ERCC1: variants seen among roughly 807,000 people sequenced by gnomAD.
ERCC1 encodes the protein ERCC excision repair 1, endonuclease non-catalytic subunit.
A neutral mutation model predicts 37.6 loss-of-function variants in ERCC1; 36 were observed. That is an observed-to-expected ratio of 0.96 (90% CI 0.73 to 1.26). ERCC1 has a LOEUF of 1.26. ERCC1 is among the 50% of genes most tolerant of loss of function. The pLI, the probability that ERCC1 is intolerant of heterozygous loss-of-function variation, is 0.00. For missense variants in ERCC1, 349 were observed against 376.5 expected, an observed-to-expected ratio of 0.93 and a Z score of 0.60; for synonymous variants, 156 against 162.1, an observed-to-expected ratio of 0.96 and a Z score of 0.28.
At chr19:45,428,843 C>A (rs1004533540), upstream of ERCC1, 5 of 151,802 alleles carry the variant, frequency 3.3e-5, no homozygotes, top group East Asian at 9.8e-4. Flanking sequence ...GGGCCGGGGA[C>A]GCAGGGGGGC....
intron 7 of ERCC1, 116 bp from the exon 8 acceptor site, chr19:45,414,150 C>A (rs1973907189): frequency 1.3e-6 from 1 of 791,588 alleles, no homozygotes; most frequent in East Asian, 2.6e-5. Context: ...GCAGGAAGCA[C>A]TCAATAAACG....
intron 6 of ERCC1, chr19:45,416,617 G>A (rs1974082812): frequency 1.2e-5 from 7 of 566,906 alleles, no homozygotes; most frequent in Non-Finnish European, 2.2e-5. Context: ...CAGCCTAGGG[G>A]ACAGAGTGAG....
rs1173626984 is a variant in ERCC1 at position 45,408,853 on chromosome 19, G to A, written c.*822C>T. ...CCAAAAAGAGAAAGAGGCAAAAGGGGACGGAAGGGATGGAGCCAGAGGAGG... is the reference window on the plus strand; with the variant it reads ...CCAAAAAGAGAAAGAGGCAAAAGGGAACGGAAGGGATGGAGCCAGAGGAGG... On this transcript the variant is annotated 3_prime_UTR_variant, in exon 10 of 10. Transcript: ENST00000300853. 6.2e-7 allele frequency: 1 copy of A among 1,614,168 alleles called. No homozygotes were observed. Among genetic ancestry groups the A allele is most frequent in the Non-Finnish European group, 8.5e-7 (1 of 1,180,036 alleles).
intron 1 of ERCC1, among the ~76,000 whole-genome samples, chr19:45,432,719 T>G (rs1391183960): frequency 6.6e-6 from 1 of 152,184 alleles, no homozygotes; most frequent in Non-Finnish European, 1.5e-5. Flanking sequence ...TTTTATTTAT[T>G]TTTGTAGAGA....
Position 45,423,790 on chromosome 19 carries a change from G to C in ERCC1, c.-17C>G. The C allele has an allele frequency of 8.9e-7, 1 of 1,126,840 alleles. No homozygotes were observed. The highest frequency in any genetic ancestry group is 1.1e-6 in the Non-Finnish European group (1 of 913,640). The allele number at this position is 1,126,840 out of a possible 1,614,324, so 69.8% of individuals were successfully genotyped here. A position where few individuals can be genotyped will look rare whatever the true frequency, so the allele number is the denominator to read the frequency against. On this transcript the variant is annotated 5_prime_UTR_variant, in exon 1 of 10. Transcript: ENST00000300853. ...TCTCCGCCTCCCGCACCTGTGGTCCGGGCCTCACGGTTTCAGCGCCGCGAG... is the reference window on the plus strand; with the variant it reads ...TCTCCGCCTCCCGCACCTGTGGTCCCGGCCTCACGGTTTCAGCGCCGCGAG...
intron 9 of ERCC1, chr19:45,413,466 A>G: frequency 2.1e-6 from 2 of 962,012 alleles, no homozygotes; most frequent in Non-Finnish European, 3.3e-6. Flanking sequence ...TTTAGTAAAA[A>G]TGAGGTGTCC....
chr19:45,430,995 C>T (rs1974816911), intron 1 of ERCC1, among the ~76,000 whole-genome samples: 1 of 152,072 alleles, frequency 6.6e-6, no homozygotes, highest in African/African-American at 2.4e-5. Flanking sequence ...CAGCCTTCCC[C>T]AGGCTGGAGT....
At position 45,408,613 on chromosome 19, in the gene ERCC1, GA is replaced by G. The variant is rs753626854; in HGVS notation, c.*1061del. The stretch of plus-strand genomic sequence containing the variant: ...AAATGGATGTGCGGAAGAAGAAGAA[GA>G]AAAAAAATCAGCAGCTGAAAGAACC... On this transcript the variant is annotated 3_prime_UTR_variant, in exon 10 of 10. Coordinates refer to ENST00000300853, the MANE Select transcript of ERCC1 (RefSeq NM_001983.4). 4.3e-6 allele frequency: 7 copies of G among 1,613,370 alleles called. No homozygotes were observed. Among genetic ancestry groups the G allele is most frequent in the South Asian group, 2.2e-5 (2 of 91,034 alleles).
At position 45,408,070 on chromosome 19, in the gene ERCC1, A is replaced by C. The variant is rs1973453966; in HGVS notation, c.*1605T>G. On this transcript the variant is annotated 3_prime_UTR_variant, in exon 10 of 10. Coordinates refer to ENST00000300853, the MANE Select transcript of ERCC1 (RefSeq NM_001983.4). Reference sequence around the variant, plus strand: ...CTCTCTCAAAAAAAAACAAAAAAAAAATCAAAAAACCTTCCCTCTCCTGTT... The same window carrying C: ...CTCTCTCAAAAAAAAACAAAAAAAACATCAAAAAACCTTCCCTCTCCTGTT... 1 of 1,506,618 alleles carries C rather than the reference A, an allele frequency of 6.6e-7. No homozygotes were observed. The highest frequency in any genetic ancestry group is 8.8e-7 in the Non-Finnish European group (1 of 1,130,092). 93.3% of individuals were successfully genotyped at this position (1,506,618 alleles called of 1,614,324 possible).
intron 1 of ERCC1, chr19:45,450,791 G>GAGAGAA (rs1967091195): frequency 7.0e-6 from 1 of 143,790 alleles, no homozygotes; most frequent in Non-Finnish European, 1.5e-5. Context: ...AAAAAAAAGA[G>GAGAGAA]AGAGAGAATG....
intron 9 of ERCC1, among the ~76,000 whole-genome samples, chr19:45,411,333 G>A (rs1184131783): frequency 1.0e-5 from 1 of 100,004 alleles, no homozygotes; most frequent in African/African-American, 8.9e-5. Context: ...TGGATCATGT[G>A]GAACCTCAAC....
intron 6 of ERCC1, among the ~76,000 whole-genome samples, chr19:45,415,347 A>AAG (rs1555786681): frequency 1.5e-4 from 21 of 143,924 alleles, no homozygotes; most frequent in Middle Eastern, 4.5e-3. Flanking sequence ...GAAAAAAAAA[A>AAG]AAAAAAAGGC....
At chr19:45,416,110 C>T (rs1164218232) in intron 6 of ERCC1, among the ~76,000 whole-genome samples, 1 of 152,068 alleles carries the variant, frequency 6.6e-6, no homozygotes, top group Admixed American at 6.6e-5. Context: ...ACTCCAGCCT[C>T]AGCAAAAGAG....
At chr19:45,419,693 T>C (rs1974284232) in intron 4 of ERCC1, among the ~76,000 whole-genome samples, 1 of 152,166 alleles carries the variant, frequency 6.6e-6, no homozygotes, top group African/African-American at 2.4e-5. Context: ...TGTCTGGCCC[T>C]GTCTGCAGAG....
In ERCC1 at chr19:45,420,196, C is replaced by T. The variant is rs1974324279; in HGVS notation, c.425+128G>A. ...CCCCTGCCTCCAACACAGGGTCCCA[C>T]CAAGGCCCAGAACCTGCAGGACCAT... On this transcript the variant is annotated intron_variant, in intron 4 of 9. Transcript: ENST00000300853. The surrounding 1 kb of genome is among the most constrained non-coding windows in gnomAD (Gnocchi z 4.8). 1 of 723,534 alleles carries T rather than the reference C, an allele frequency of 1.4e-6. No homozygotes were observed. Among genetic ancestry groups the T allele is most frequent in the African/African-American group, 1.7e-5 (1 of 57,372 alleles). 44.8% of individuals were successfully genotyped at this position (723,534 alleles called of 1,614,324 possible).
intron 9 of ERCC1, among the ~76,000 whole-genome samples, chr19:45,411,885 C>T (rs894833127): frequency 6.6e-6 from 1 of 151,674 alleles, no homozygotes; most frequent in Admixed American, 6.6e-5. Flanking sequence ...GAGATGGAGT[C>T]TCACTCTGTC....
chr19:45,417,022 G>T, intron 5 of ERCC1, 125 bp from the exon 6 acceptor site: 1 of 725,494 alleles, frequency 1.4e-6, no homozygotes, highest in South Asian at 1.5e-5. Context: ...GCTTGAACCC[G>T]GGAGGCAGAC....
Position 45,420,078 on chromosome 19 carries a change from C to T in ERCC1, c.425+246G>A, listed in dbSNP as rs538400005. On this transcript the variant is annotated intron_variant, in intron 4 of 9. Coordinates refer to ENST00000300853, the MANE Select transcript of ERCC1 (RefSeq NM_001983.4). The surrounding 1 kb of genome is among the most constrained non-coding windows in gnomAD (Gnocchi z 4.8). Reference sequence around the variant, plus strand: ...GTCCAGCCCTCAGCCCCTCCTCCCCCGGACCCAGGAGTCCGGCCCCCAGCC... The same window carrying T: ...GTCCAGCCCTCAGCCCCTCCTCCCCTGGACCCAGGAGTCCGGCCCCCAGCC... Among the ~76,000 whole-genome samples, 66 of 146,248 alleles carry T rather than the reference C, an allele frequency of 4.5e-4. No individual in the cohort carries two copies. The highest frequency in any genetic ancestry group is 1.6e-3 in the African/African-American group (65 of 39,514).
chr19:45,419,561 T>C (rs1974277085), intron 4 of ERCC1: 1 of 332,736 alleles, frequency 3.0e-6, no homozygotes, highest in Admixed American at 4.1e-5. Context: ...AACCATCTGC[T>C]CTGGCCTTGG....
Sources: gnomAD v4.1 joint callset for allele counts (sites outside exome capture counted in the v4.1 genomes callset) on GRCh38, gnomAD v4.1.1 for gene constraint, Gnocchi (gnomAD v3.1) non-coding constraint, MANE v1.5 for transcripts, NCBI Gene and HGNC (gene_info 2026-07-23, HGNC 2026-07-21) for gene names.